MGMT: variants seen among roughly 807,000 people sequenced by gnomAD.
MGMT encodes O-6-methylguanine-DNA methyltransferase.
In MGMT, 14 loss-of-function variants were observed where a neutral mutation model predicts 15.9. The ratio of observed to expected loss-of-function variants is 0.88; its 90% CI spans 0.58 to 1.37. The LOEUF is 1.37. MGMT is among the 40% of genes most tolerant of loss of function. The pLI is 0.00. For synonymous variants in MGMT, 130 were observed against 118.2 expected (o/e 1.10, Z -0.65); for missense variants, 282 against 268.1 (o/e 1.05, Z -0.36).
intron 2 of MGMT, among the ~76,000 whole-genome samples, chr10:129,564,395 TC>T (rs1589869016): frequency 2.8e-5 from 1 of 35,252 alleles, no homozygotes; most frequent in African/African-American, 1.2e-4. Context: ...CTCCCCCTCC[TC>T]CTCCTTCTCT....
intron 2 of MGMT, among the ~76,000 whole-genome samples, chr10:129,629,603 G>A (rs1441217850): frequency 6.6e-6 from 1 of 152,198 alleles, no homozygotes; most frequent in Non-Finnish European, 1.5e-5. Flanking sequence ...GCACCTTCGC[G>A]TTGATCATCT....
intron 4 of MGMT, among the ~76,000 whole-genome samples, chr10:129,761,077 G>A (rs1848867411): frequency 6.6e-6 from 1 of 152,104 alleles, no homozygotes; most frequent in African/African-American, 2.4e-5. Flanking sequence ...TCTTCTCCCC[G>A]GTTGTGAGTC....
intron 1 of MGMT, among the ~76,000 whole-genome samples, chr10:129,476,241 T>G (rs1026623577): frequency 1.3e-5 from 2 of 152,198 alleles, no homozygotes; most frequent in Non-Finnish European, 2.9e-5. Context: ...TCACTTCCCT[T>G]TAGCTGGACA....
intron 4 of MGMT, among the ~76,000 whole-genome samples, chr10:129,759,576 G>A (rs1848848057): frequency 6.6e-6 from 1 of 152,182 alleles, no homozygotes; most frequent in Admixed American, 6.5e-5. Context: ...CACTGCATGA[G>A]CTCCTGGTTG....
At chr10:129,683,161 T>A (rs1210551843) in intron 2 of MGMT, among the ~76,000 whole-genome samples, 4 of 152,184 alleles carry the variant, frequency 2.6e-5, no homozygotes, top group African/African-American at 9.6e-5. Context: ...TACCCATTTT[T>A]AAAAAGAGAA....
chr10:129,544,622 C>T (rs1846080044), intron 2 of MGMT, among the ~76,000 whole-genome samples: 2 of 152,196 alleles, frequency 1.3e-5, no homozygotes, highest in Admixed American at 6.5e-5. Context: ...GGGCCACGCC[C>T]CTCCTGCTGA....
At chr10:129,689,113 A>G (rs1847943171) in intron 2 of MGMT, among the ~76,000 whole-genome samples, 1 of 152,000 alleles carries the variant, frequency 6.6e-6, no homozygotes, top group South Asian at 2.1e-4. Flanking sequence ...TATTTTTTGT[A>G]GAGATGGGGT....
intron 2 of MGMT, among the ~76,000 whole-genome samples, chr10:129,559,969 G>C (rs897147926): frequency 1.3e-5 from 2 of 152,158 alleles, no homozygotes; most frequent in African/African-American, 4.8e-5. Flanking sequence ...AAGATTTACT[G>C]TGCGTCACCT....
chr10:129,565,765 G>A (rs1302214165), intron 2 of MGMT, among the ~76,000 whole-genome samples: 1 of 152,130 alleles, frequency 6.6e-6, no homozygotes, highest in Non-Finnish European at 1.5e-5. Context: ...GTGGATTAGC[G>A]GCCCTACTGT....
intron 3 of MGMT, among the ~76,000 whole-genome samples, chr10:129,710,442 A>G (rs1309477655): frequency 6.6e-6 from 1 of 152,222 alleles, no homozygotes; most frequent in African/African-American, 2.4e-5. Flanking sequence ...CCCCTGGGCC[A>G]GGCCTGCCTG....
rs923692730 is a variant in MGMT at position 129,644,861 on chromosome 10, TCTTA to T, written c.126-63030_126-63027del. Among the ~76,000 whole-genome samples, 6 of 152,234 alleles carry T rather than the reference TCTTA, an allele frequency of 3.9e-5. No individual in the cohort carries two copies. The East Asian group carries it at 7.8e-4, about 20-fold the overall frequency. On this transcript the variant is annotated intron_variant, in intron 2 of 4. Coordinates refer to ENST00000651593, the MANE Select transcript of MGMT (RefSeq NM_002412.5). ...CTTGTAATTATTTCATTTGTGTGGG[TCTTA>T]CTTTTTGCACATCTCTTCACTGCGT...
intron 2 of MGMT, among the ~76,000 whole-genome samples, chr10:129,621,436 C>A (rs1056633119): frequency 2.0e-5 from 3 of 152,208 alleles, no homozygotes; most frequent in Non-Finnish European, 2.9e-5. Context: ...AGAAAGTACT[C>A]TTTTCACGTA....
chr10:129,658,921 C>T (rs1285086256), intron 2 of MGMT, among the ~76,000 whole-genome samples: 6 of 152,196 alleles, frequency 3.9e-5, no homozygotes, highest in Non-Finnish European at 5.9e-5. Flanking sequence ...TCCCAGGTGT[C>T]GCTGTAATTT....
chr10:129,642,662 G>A (rs1406340116), intron 2 of MGMT, among the ~76,000 whole-genome samples: 1 of 152,138 alleles, frequency 6.6e-6, no homozygotes, highest in Non-Finnish European at 1.5e-5. Flanking sequence ...CTTACTAAAT[G>A]CTATTAGCAT....
chr10:129,534,980 T>G (rs1845969881), intron 1 of MGMT, among the ~76,000 whole-genome samples: 1 of 152,164 alleles, frequency 6.6e-6, no homozygotes, highest in Non-Finnish European at 1.5e-5. Context: ...CAGCAGGAGA[T>G]TGTGTGTAAA....
intron 2 of MGMT, among the ~76,000 whole-genome samples, chr10:129,662,195 G>C (rs1589922193): frequency 6.6e-6 from 1 of 152,158 alleles, no homozygotes; most frequent in Non-Finnish European, 1.5e-5. Flanking sequence ...GAAAAAGGGG[G>C]TTAGGGGAAG....
chr10:129,579,632 G>A (rs376484430), intron 2 of MGMT, among the ~76,000 whole-genome samples: 2 of 152,186 alleles, frequency 1.3e-5, no homozygotes, highest in South Asian at 4.1e-4. Flanking sequence ...GTTTAAAGGC[G>A]ACACATGGAA....
At chr10:129,669,514 G>T (rs57979393) in intron 2 of MGMT, among the ~76,000 whole-genome samples, 6,014 of 152,154 alleles carry the variant, frequency 0.04, 406 homozygotes, top group African/African-American at 0.14. Context: ...GTATTGCTTA[G>T]AAAGCATTTA....
intron 3 of MGMT, among the ~76,000 whole-genome samples, chr10:129,730,698 C>T (rs1848485681): frequency 1.3e-5 from 2 of 152,288 alleles, no homozygotes; most frequent in South Asian, 4.1e-4. Context: ...TCCTGCTTGC[C>T]CTGCCCTCCT....
Sources: allele counts gnomAD v4.1 joint callset (sites outside exome capture counted in the v4.1 genomes callset), GRCh38; gene constraint gnomAD v4.1.1; transcripts MANE v1.5; gene names NCBI Gene and HGNC (gene_info 2026-07-23, HGNC 2026-07-21).